Variants in MPRIP observed in about 807,000 individuals in gnomAD.
MPRIP encodes the protein myosin phosphatase Rho-interacting protein.
A neutral mutation model predicts 234.9 loss-of-function variants in MPRIP; 59 were observed. That is an observed-to-expected ratio of 0.25 (90% confidence interval 0.20 to 0.31). The LOEUF (loss-of-function observed/expected upper bound fraction) is 0.31. Ranked by LOEUF, MPRIP falls within the 10% of genes least tolerant of loss-of-function variation. The pLI, the probability that MPRIP is intolerant of heterozygous loss-of-function variation, is 1.00. For missense variants in MPRIP, 2,436 were observed against 3,071.0 expected (o/e 0.79, Z 4.89); for synonymous variants, 1,144 against 1,263.9 (o/e 0.91, Z 2.01).
chr17:17,180,493 C>G, intron 23 of MPRIP: 1 of 950,318 alleles, frequency 1.1e-6, no homozygotes, highest in Non-Finnish European at 1.7e-6. Flanking sequence ...AGCAGTACAT[C>G]TTTAGTGTGC....
chr17:17,076,679 T>G (rs1567698829), intron 2 of MPRIP, among the ~76,000 whole-genome samples: 1 of 152,306 alleles, frequency 6.6e-6, no homozygotes, highest in East Asian at 1.9e-4. Flanking sequence ...AAGGCCTCTT[T>G]GCAAGGCCCT....
chr17:17,069,285 T>G (rs2089135015), intron 1 of MPRIP, among the ~76,000 whole-genome samples: 1 of 152,208 alleles, frequency 6.6e-6, no homozygotes, highest in African/African-American at 2.4e-5. Context: ...GTATCACTTT[T>G]AGTTTTTTCT....
chr17:17,116,358 C>T (rs549234403), intron 3 of MPRIP, among the ~76,000 whole-genome samples: 2 of 152,152 alleles, frequency 1.3e-5, no homozygotes, highest in Non-Finnish European at 2.9e-5. Context: ...CTCTGTGCAG[C>T]GGGTAACCGT....
chr17:17,120,900 C>T (rs2090376102), intron 3 of MPRIP, among the ~76,000 whole-genome samples: 1 of 152,158 alleles, frequency 6.6e-6, no homozygotes, highest in African/African-American at 2.4e-5. Context: ...TTCAGGCCTA[C>T]CCAGACACAG....
chr17:17,111,157 C>A (rs529007744), intron 3 of MPRIP, among the ~76,000 whole-genome samples: 6,790 of 99,928 alleles, frequency 0.068, 460 homozygotes, highest in African/African-American at 0.2. Context: ...AAAAAAAAAA[C>A]CAAAAAAAAA....
rs1234709641 is a variant in MPRIP, at chr17:17,191,454, A to C, written c.*6560A>C. On this transcript the variant is annotated 3_prime_UTR_variant, in exon 24 of 24. Coordinates refer to ENST00000651222, the MANE Select transcript of MPRIP (RefSeq NM_001364716.4). ...CGTGGAGGCTGCAGAACTTAGATGC[A>C]GCTGTTTTTTACAGCACCTATTTTT... is the stretch of plus-strand genomic sequence containing the variant. The C allele has an allele frequency of 1.3e-5, 2 of 152,250 alleles. No individual in the cohort carries two copies. The highest frequency in any genetic ancestry group is 2.9e-5 in the Non-Finnish European group (2 of 68,050). The allele number at this position is 152,250 out of a possible 1,614,324, so 9.4% of individuals were successfully genotyped here.
intron 16 of MPRIP, 110 bp downstream of exon 16, chr17:17,168,025 G>T: frequency 5.7e-6 from 5 of 870,402 alleles, no homozygotes; most frequent in Non-Finnish European, 7.9e-6. Flanking sequence ...ATATGCTGCT[G>T]TCCCTCTACT....
intron 3 of MPRIP, among the ~76,000 whole-genome samples, chr17:17,087,154 C>T (rs1225822681): frequency 6.6e-6 from 1 of 152,144 alleles, no homozygotes; most frequent in Non-Finnish European, 1.5e-5. Flanking sequence ...ACAGCCAACT[C>T]CTGAGGGTGA....
chr17:17,166,019 G>C lies in MPRIP; in HGVS notation c.4428G>C (p.Leu1476=). 1 of 1,304,164 alleles carries C rather than the reference G, an allele frequency of 7.7e-7. No homozygotes were observed. The highest frequency in any genetic ancestry group is 1.0e-6 in the Non-Finnish European group (1 of 988,890). 80.8% of individuals were successfully genotyped at this position (1,304,164 alleles called of 1,614,324 possible). Residue 1476 remains leucine (L), a synonymous_variant, in exon 16 of 24, where the codon CTG becomes CTC. Transcript: ENST00000651222. This position sits in a 1 kb window ranked among gnomAD's most constrained non-coding sequence, Gnocchi z 4.4. The stretch of plus-strand genomic sequence containing the variant: ...TCCAGGTCAAGAATAGTCAGGCCCT[G>C]ATGTGCCTGGAAAATTGCCGAGAAC... ...GDFQVKNSQA[L]MCLENCREQL...
chr17:17,142,354 G>C (rs2045344970), intron 7 of MPRIP: 2 of 368,534 alleles, frequency 5.4e-6, no homozygotes, highest in African/African-American at 4.1e-5. Context: ...GTGCCAAGCT[G>C]TGTGAATGCC....
At chr17:17,168,543 G>C in intron 16 of MPRIP, 2 of 333,942 alleles carry the variant, frequency 6.0e-6, no homozygotes, top group Admixed American at 9.0e-5. Context: ...CCCCAGAACT[G>C]TCCTGCATCC....
chr17:17,166,316 G>C lies in MPRIP; in HGVS notation c.4725G>C (p.Leu1575=), dbSNP rs1169621438. 1 of 1,304,490 alleles carries C rather than the reference G, an allele frequency of 7.7e-7. No homozygotes were observed. Among genetic ancestry groups the C allele is most frequent in the South Asian group, 1.2e-5 (1 of 81,036 alleles). The allele number at this position is 1,304,490 out of a possible 1,614,324, so 80.8% of individuals were successfully genotyped here. A position where few individuals can be genotyped will look rare whatever the true frequency, so the allele number is the denominator to read the frequency against. Residue 1575 remains leucine, a synonymous_variant, in exon 16 of 24, where the codon CTG becomes CTC. Transcript: ENST00000651222. The surrounding 1 kb of genome is among the most constrained non-coding windows in gnomAD (Gnocchi z 4.4). ...LSDQIALEAS[L]ISQIADSLKN... ...ACCAGATTGCTCTGGAGGCCTCGCTGATCAGCCAGATAGCAGATTCCCTGA... is the reference window on the plus strand; with the variant it reads ...ACCAGATTGCTCTGGAGGCCTCGCTCATCAGCCAGATAGCAGATTCCCTGA...
intron 3 of MPRIP, among the ~76,000 whole-genome samples, chr17:17,116,991 T>C (rs2090298112): frequency 6.6e-6 from 1 of 152,178 alleles, no homozygotes; most frequent in Admixed American, 6.5e-5. Flanking sequence ...CACAAGTAGA[T>C]GGCCATGGTC....
rs1597494687 is a variant in MPRIP, at chr17:17,166,460, T to G, written c.4869T>G (p.Gly1623=). The change falls in exon 16 of 24, where the codon GGT becomes GGG. Residue 1623 remains glycine (G), a synonymous_variant. Transcript: ENST00000651222. The surrounding 1 kb of genome is among the most constrained non-coding windows in gnomAD (Gnocchi z 4.4). ...DTWARKVLVD[G]EFWSQVESLR... ...GGGCCAGGAAGGTCCTAGTGGATGG[T>G]GAGTTCTGGAGCCAGGTTGAGTCTC... 11 of 1,304,180 alleles carry G rather than the reference T, an allele frequency of 8.4e-6. No homozygotes were observed. The highest frequency in any genetic ancestry group is 1.1e-5 in the Non-Finnish European group (11 of 988,920). The allele number at this position is 1,304,180 out of a possible 1,614,324, so 80.8% of individuals were successfully genotyped here. A position where few individuals can be genotyped will look rare whatever the true frequency, so the allele number is the denominator to read the frequency against.
chr17:17,150,645 T>C, intron 12 of MPRIP, among the ~76,000 whole-genome samples: 1 of 151,756 alleles, frequency 6.6e-6, no homozygotes, highest in East Asian at 1.9e-4. Context: ...CAAGGCTATT[T>C]TTTCCCAAAA....
In MPRIP at chr17:17,158,882, G is replaced by A. The variant is rs752989874; in HGVS notation, c.2280G>A (p.Gln760=). The change falls in exon 14 of 24, where the codon CAG becomes CAA. Residue 760 remains glutamine, a synonymous_variant. Transcript: ENST00000651222. ...VHVEIEQRWH[Q]VETTPLREEK... is the part of the protein sequence containing the mutation. ...TGGAGATTGAGCAGCGGTGGCATCA[G>A]GTGGAGACCACACCTCTCCGGGAAG... 5.6e-6 allele frequency: 9 copies of A among 1,612,046 alleles called. No individual in the cohort carries two copies. The highest frequency in any genetic ancestry group is 5.0e-5 in the Admixed American group (3 of 60,008).
At chr17:17,161,981 T>G (rs2045881091) in intron 15 of MPRIP, among the ~76,000 whole-genome samples, 1 of 152,244 alleles carries the variant, frequency 6.6e-6, no homozygotes, top group African/African-American at 2.4e-5. Flanking sequence ...TGCCTATGTC[T>G]GCTGACTTTC....
rs980529701 is a variant in MPRIP, at chr17:17,082,406, C to G, written c.267+4330C>G. ...CGACTCCCAGGTTCAAACCATTATC[C>G]TGCCTCAGCCTCCGGAGTAGCTGGG... On this transcript the variant is annotated intron_variant, in intron 3 of 23. Transcript: ENST00000651222. Among the ~76,000 whole-genome samples the G allele has an allele frequency of 3.4e-5, 5 of 146,466 alleles. No homozygotes were observed. In the South Asian group the frequency reaches 8.6e-4, roughly 25 times the overall value.
rs2088703490 is a variant in MPRIP at position 17,056,557 on chromosome 17, C to T, written c.123+13586C>T. On this transcript the variant is annotated intron_variant, in intron 1 of 23. Transcript: ENST00000651222. Reference sequence around the variant, plus strand: ...TTACAGCCAGCCAGCAGCTGTGGGCCCTGCTGTCCCCGTGCTATGATGGGG... The same window carrying T: ...TTACAGCCAGCCAGCAGCTGTGGGCTCTGCTGTCCCCGTGCTATGATGGGG... 2.7e-5 allele frequency among the ~76,000 whole-genome samples: 4 copies of T among 150,654 alleles called. No homozygotes were observed. In the South Asian group the frequency reaches 6.2e-4, roughly 23 times the overall value.
Sources: allele counts gnomAD v4.1 joint callset (sites outside exome capture counted in the v4.1 genomes callset), GRCh38; gene constraint gnomAD v4.1.1; non-coding constraint Gnocchi (gnomAD v3.1); transcripts MANE v1.5; gene names NCBI Gene and HGNC (gene_info 2026-07-23, HGNC 2026-07-21).